Variants in APPBP2 observed in about 807,000 individuals in gnomAD.
APPBP2 encodes the protein amyloid beta precursor protein binding protein 2.
A neutral mutation model predicts 76.0 loss-of-function variants in APPBP2; 15 were observed. The ratio of observed to expected loss-of-function variants is 0.20; its 90% CI spans 0.13 to 0.30. APPBP2 has a LOEUF of 0.30. Among genes scored for constraint, APPBP2 ranks in the 10% least tolerant of loss-of-function variants. The probability of loss-of-function intolerance (pLI) is 1.00; values close to 1 mark genes in which losing one functional copy is unlikely to be tolerated. For missense variants in APPBP2, 401 were observed against 687.2 expected, an observed-to-expected ratio of 0.58 and a Z score of 4.66; for synonymous variants, 222 against 242.2, an observed-to-expected ratio of 0.92 and a Z score of 0.77.
At position 60,447,842 on chromosome 17, in the gene APPBP2, AAAAAAG is replaced by A. The variant is rs756545168; in HGVS notation, c.1505-14_1505-9del. Reference sequence around the variant, plus strand: ...CACCAAAAAGTTTCTTCCCTGTAACAAAAAAGAAAAAGGAAAAAAAAAAAAGCACAA... The same window carrying A: ...CACCAAAAAGTTTCTTCCCTGTAACAAAAAAGGAAAAAAAAAAAAGCACAA... On this transcript the variant is annotated splice_polypyrimidine_tract_variant and intron_variant, in intron 12 of 12. Coordinates refer to ENST00000083182, the MANE Select transcript of APPBP2 (RefSeq NM_006380.5). 7.1e-6 allele frequency: 11 copies of A among 1,555,562 alleles called. No individual in the cohort carries two copies. The highest frequency in any genetic ancestry group is 4.8e-5 in the South Asian group (4 of 83,244).
intron 4 of APPBP2, among the ~76,000 whole-genome samples, chr17:60,475,991 C>G (rs925873754): frequency 2.0e-5 from 3 of 152,036 alleles, no homozygotes; most frequent in African/African-American, 7.2e-5. Context: ...TGTCATCCCC[C>G]AAAAACAAGC....
At chr17:60,483,431 T>C (rs747773864) in intron 3 of APPBP2, among the ~76,000 whole-genome samples, 3 of 152,150 alleles carry the variant, frequency 2.0e-5, no homozygotes, top group Non-Finnish European at 2.9e-5. Context: ...ACTTGCTCTG[T>C]CGCCCAGGCT....
intron 3 of APPBP2, 40 bp downstream of exon 3, chr17:60,494,426 C>T (rs765582903): frequency 6.3e-6 from 10 of 1,588,018 alleles, no homozygotes; most frequent in Non-Finnish European, 8.5e-6. Flanking sequence ...AATTCTGAGT[C>T]CATCACAGGA....
chr17:60,500,923 C>T (rs2090818028), intron 1 of APPBP2, among the ~76,000 whole-genome samples: 1 of 152,126 alleles, frequency 6.6e-6, no homozygotes, highest in African/African-American at 2.4e-5. Context: ...CAAAAACACA[C>T]CAATAGTAGA....
intron 9 of APPBP2, 157 bp downstream of exon 9, chr17:60,460,506 C>G: frequency 1.4e-6 from 1 of 700,216 alleles, no homozygotes; most frequent in Non-Finnish European, 2.1e-6. Flanking sequence ...ACTTCAAGAA[C>G]ATTTTAGGCA....
chr17:60,491,441 G>T (rs942539280), intron 3 of APPBP2, among the ~76,000 whole-genome samples: 1 of 151,584 alleles, frequency 6.6e-6, no homozygotes, highest in Non-Finnish European at 1.5e-5. Context: ...TTATTTTTTT[G>T]AGATGAAGTT....
chr17:60,447,466 G>T lies in APPBP2; in HGVS notation c.*115C>A. On this transcript the variant is annotated 3_prime_UTR_variant, in exon 13 of 13. Transcript: ENST00000083182. Reference sequence around the variant, plus strand: ...ATCACCCAAAATAGGGTCTTCAATGGACTGGACCAGTGTTTCAATGCAAAT... The same window carrying T: ...ATCACCCAAAATAGGGTCTTCAATGTACTGGACCAGTGTTTCAATGCAAAT... 1 of 1,233,078 alleles carries T rather than the reference G, an allele frequency of 8.1e-7. No individual in the cohort carries two copies. The highest frequency in any genetic ancestry group is 1.1e-6 in the Non-Finnish European group (1 of 890,412). 76.4% of individuals were successfully genotyped at this position (1,233,078 alleles called of 1,614,324 possible).
At chr17:60,522,663 C>T (rs2091019404) in intron 1 of APPBP2, among the ~76,000 whole-genome samples, 1 of 151,958 alleles carries the variant, frequency 6.6e-6, no homozygotes, top group Admixed American at 6.6e-5. Flanking sequence ...GAGTTCTTTC[C>T]CCAACTCCAA....
chr17:60,513,467 G>C, intron 1 of APPBP2: 1 of 591,660 alleles, frequency 1.7e-6, no homozygotes, highest in Admixed American at 2.5e-5. Context: ...ATGCCAACAG[G>C]GCATTTCAGA....
chr17:60,502,382 C>T (rs574379302), intron 1 of APPBP2, among the ~76,000 whole-genome samples: 1 of 152,276 alleles, frequency 6.6e-6, no homozygotes, highest in South Asian at 2.1e-4. Context: ...TGAGAACTTA[C>T]GACCACATTC....
intron 4 of APPBP2, among the ~76,000 whole-genome samples, chr17:60,470,270 T>G (rs1158431061): frequency 6.6e-6 from 1 of 152,118 alleles, no homozygotes; most frequent in East Asian, 1.9e-4. Context: ...TTTTTATTTT[T>G]AATTTTATGA....
Position 60,451,568 on chromosome 17 carries a change from G to C in APPBP2, c.1504+312C>G, listed in dbSNP as rs62082111. 8.8e-4 allele frequency among the ~76,000 whole-genome samples: 134 copies of C among 152,176 alleles called. 1 individual carries two copies. Among genetic ancestry groups the C allele is most frequent in the South Asian group, 1.7e-3 (8 of 4,810 alleles). On this transcript the variant is annotated intron_variant, in intron 12 of 12. Transcript: ENST00000083182. Reference sequence around the variant, plus strand: ...AGCTCATGACAACCTCTGCCTTCCAGGTTCAAGTGATTCTCCTGCCTCAGC... The same window carrying C: ...AGCTCATGACAACCTCTGCCTTCCACGTTCAAGTGATTCTCCTGCCTCAGC...
intron 1 of APPBP2, among the ~76,000 whole-genome samples, chr17:60,518,455 C>T (rs977131281): frequency 2.1e-5 from 3 of 145,946 alleles, no homozygotes; most frequent in African/African-American, 8.2e-5. Context: ...CTGCCTGCCT[C>T]GGCCTCTCAA....
chr17:60,513,785 C>T (rs189112065), intron 1 of APPBP2, among the ~76,000 whole-genome samples: 153 of 151,520 alleles, frequency 1.0e-3, no homozygotes, highest in Middle Eastern at 3.4e-3. Flanking sequence ...ATCACTTGAA[C>T]CTGGGAAGCA....
At chr17:60,459,556 G>C (rs71373853) in intron 9 of APPBP2, 3 of 146,984 alleles carry the variant, frequency 2.0e-5, no homozygotes, top group Non-Finnish European at 3.0e-5. Context: ...GCAGTGGCGT[G>C]ATCTCGGCTC....
At chr17:60,450,789 GAAA>G (rs574105086) in intron 12 of APPBP2, among the ~76,000 whole-genome samples, 3 of 127,522 alleles carry the variant, frequency 2.4e-5, no homozygotes, top group African/African-American at 1.4e-4. Flanking sequence ...AAAAAAGAAA[GAAA>G]AAAGAAAAAA....
intron 1 of APPBP2, among the ~76,000 whole-genome samples, chr17:60,519,831 T>A (rs1014086740): frequency 2.7e-5 from 4 of 148,412 alleles, no homozygotes. Context: ...TCACCCAGGC[T>A]GGAGTACGGT....
At chr17:60,456,797 G>A (rs1201980366) in intron 9 of APPBP2, among the ~76,000 whole-genome samples, 4 of 151,828 alleles carry the variant, frequency 2.6e-5, no homozygotes, top group Non-Finnish European at 5.9e-5. Context: ...CTCACGACTC[G>A]CTCCTCAGGT....
intron 2 of APPBP2, among the ~76,000 whole-genome samples, chr17:60,498,596 G>A (rs2090795952): frequency 6.6e-6 from 1 of 151,858 alleles, no homozygotes; most frequent in Admixed American, 6.6e-5. Flanking sequence ...TATATATACA[G>A]CAACAAGAAT....
Sources: gnomAD v4.1 joint callset for allele counts (sites outside exome capture counted in the v4.1 genomes callset) on GRCh38, gnomAD v4.1.1 for gene constraint, MANE v1.5 for transcripts, NCBI Gene and HGNC (gene_info 2026-07-23, HGNC 2026-07-21) for gene names.